The following LOC128462377 variants were observed in gnomAD, a reference collection of about 807,000 sequenced individuals.
At chr16:89,330,945 T>A in the LOC128462377 span, among the ~76,000 whole-genome samples, 2 of 152,190 alleles carry the variant, frequency 1.3e-5, no homozygotes, top group African/African-American at 4.8e-5. Flanking sequence ...TGAAAAATAT[T>A]ATAAGCAAAA....
the LOC128462377 span, among the ~76,000 whole-genome samples, chr16:89,415,848 A>C: frequency 6.8e-6 from 1 of 147,706 alleles, no homozygotes. Context: ...AAAAAAAAAA[A>C]AACAATGGAG....
chr16:89,407,014 G>A, the LOC128462377 span, among the ~76,000 whole-genome samples: 2 of 152,000 alleles, frequency 1.3e-5, no homozygotes, highest in African/African-American at 2.4e-5. Flanking sequence ...GTGAAACCCT[G>A]TCTCTACTAA....
the LOC128462377 span, among the ~76,000 whole-genome samples, chr16:89,393,279 T>C: frequency 6.6e-6 from 1 of 152,016 alleles, no homozygotes; most frequent in Non-Finnish European, 1.5e-5. Flanking sequence ...CACATTAAAC[T>C]TTAGTTTCCT....
the LOC128462377 span, chr16:89,324,811 G>A: frequency 3.5e-6 from 1 of 285,312 alleles, no homozygotes; most frequent in South Asian, 3.1e-5. Flanking sequence ...TGAGGTTTGG[G>A]GACTCGGACT....
chr16:89,352,377 C>A, the LOC128462377 span, among the ~76,000 whole-genome samples: 1 of 151,476 alleles, frequency 6.6e-6, no homozygotes, highest in African/African-American at 2.4e-5. Flanking sequence ...CAAGGCAGCC[C>A]CCCAAGAAAA....
chr16:89,405,368 G>C, the LOC128462377 span, among the ~76,000 whole-genome samples: 2 of 152,204 alleles, frequency 1.3e-5, no homozygotes, highest in African/African-American at 4.8e-5. Flanking sequence ...CTGTCACGCA[G>C]GCTAGAGTGC....
chr16:89,330,632 CAGT>C, the LOC128462377 span, among the ~76,000 whole-genome samples: 3 of 114,958 alleles, frequency 2.6e-5, no homozygotes, highest in African/African-American at 1.0e-4. Flanking sequence ...CGTGACACGG[CAGT>C]AGGTTTCCCC....
At chr16:89,415,911 G>A in the LOC128462377 span, among the ~76,000 whole-genome samples, 4 of 148,464 alleles carry the variant, frequency 2.7e-5, no homozygotes, top group East Asian at 4.1e-4. Context: ...TGTGGGTCAC[G>A]GCGCCTCTGG....
chr16:89,384,494 G>T, the LOC128462377 span, among the ~76,000 whole-genome samples: 1 of 152,044 alleles, frequency 6.6e-6, no homozygotes, highest in African/African-American at 2.4e-5. Context: ...GGACGAGATG[G>T]AAATGGGACA....
the LOC128462377 span, among the ~76,000 whole-genome samples, chr16:89,360,262 C>T: frequency 1.3e-5 from 2 of 151,678 alleles, no homozygotes; most frequent in African/African-American, 4.9e-5. Context: ...GCTATGTTAT[C>T]TTATCTTATT....
chr16:89,382,237 C>G, the LOC128462377 span, among the ~76,000 whole-genome samples: 4 of 152,214 alleles, frequency 2.6e-5, no homozygotes, highest in East Asian at 7.7e-4. Context: ...AGGAGTGACC[C>G]AAGCAAAGTT....
At chr16:89,371,430 G>A in the LOC128462377 span, among the ~76,000 whole-genome samples, 1 of 152,234 alleles carries the variant, frequency 6.6e-6, no homozygotes, top group Non-Finnish European at 1.5e-5. Context: ...GCTGCTCGGT[G>A]CATGGAGGCC....
the LOC128462377 span, among the ~76,000 whole-genome samples, chr16:89,325,522 A>T: frequency 1.5e-4 from 23 of 152,112 alleles, no homozygotes; most frequent in East Asian, 1.5e-3. Flanking sequence ...GACAAAATAC[A>T]TGATACATTT....
the LOC128462377 span, among the ~76,000 whole-genome samples, chr16:89,408,261 C>G: frequency 6.6e-6 from 1 of 152,236 alleles, no homozygotes; most frequent in Non-Finnish European, 1.5e-5. Flanking sequence ...AGTTCTCCAC[C>G]CTAGAGAAGT....
At chr16:89,394,940 A>C in the LOC128462377 span, among the ~76,000 whole-genome samples, 1 of 152,254 alleles carries the variant, frequency 6.6e-6, no homozygotes, top group African/African-American at 2.4e-5. Context: ...AGTTTTTCCA[A>C]GGCTACTTAG....
the LOC128462377 span, among the ~76,000 whole-genome samples, chr16:89,367,680 CAGCAACAGCTGCAG>C: frequency 6.6e-6 from 1 of 152,220 alleles, no homozygotes; most frequent in African/African-American, 2.4e-5. Context: ...AGGCTCCAAG[CAGCAACAGCTGCAG>C]GTTTTTTGCA....
At chr16:89,405,553 C>G in the LOC128462377 span, among the ~76,000 whole-genome samples, 2 of 146,974 alleles carry the variant, frequency 1.4e-5, no homozygotes, top group Non-Finnish European at 3.0e-5. Context: ...GGGCTGGTCT[C>G]GAACTCCTGG....
chr16:89,410,702 G>A, the LOC128462377 span, among the ~76,000 whole-genome samples: 1 of 152,178 alleles, frequency 6.6e-6, no homozygotes, highest in African/African-American at 2.4e-5. Flanking sequence ...TTAGCAAAAC[G>A]TCAACGATAC....
chr16:89,348,938 G>A, the LOC128462377 span, among the ~76,000 whole-genome samples: 3 of 148,664 alleles, frequency 2.0e-5, no homozygotes, highest in African/African-American at 2.5e-5. Context: ...GACCAGCCTC[G>A]TCAACATGGT....
Sources: allele counts gnomAD v4.1 joint callset (sites outside exome capture counted in the v4.1 genomes callset), GRCh38; gene constraint gnomAD v4.1.1; transcripts MANE v1.5.